The following PLEKHG1 variants were observed in gnomAD, a reference collection of about 807,000 sequenced individuals.
PLEKHG1 encodes pleckstrin homology and RhoGEF domain containing G1, also known as pleckstrin homology domain-containing family G member 1.
A neutral mutation model predicts 100.8 loss-of-function variants in PLEKHG1; 44 were observed. That is an observed-to-expected ratio of 0.44 (90% CI 0.34 to 0.56). PLEKHG1 has a LOEUF of 0.56. Among genes scored for constraint, PLEKHG1 ranks in the 20% least tolerant of loss-of-function variants. The pLI is 0.01. For synonymous variants in PLEKHG1, 640 were observed against 662.5 expected, an observed-to-expected ratio of 0.97 and a Z score of 0.52; for missense variants, 1,545 against 1,720.9, an observed-to-expected ratio of 0.90 and a Z score of 1.81.
chr6:150,733,800 T>C, exon 2 of PLEKHG1: 1 of 1,614,196 alleles, frequency 6.2e-7, no homozygotes. Flanking sequence ...AATAGCCACA[T>C]GGGCTTGTTT....
intron 15 of PLEKHG1, among the ~76,000 whole-genome samples, chr6:150,838,012 TA>T (rs1562569783): frequency 6.6e-6 from 1 of 152,180 alleles, no homozygotes; most frequent in Non-Finnish European, 1.5e-5. Flanking sequence ...TCACAGGGAA[TA>T]GGGGGTGAGG....
chr6:150,693,796 G>A (rs571095854), intron 3 of PLEKHG1, among the ~76,000 whole-genome samples: 1 of 152,260 alleles, frequency 6.6e-6, no homozygotes, highest in African/African-American at 2.4e-5. Context: ...ATAAATCTTT[G>A]CACAAGGCTA....
chr6:150,828,341 G>A (rs904890103), intron 14 of PLEKHG1: 5 of 1,610,546 alleles, frequency 3.1e-6, no homozygotes, highest in East Asian at 2.3e-5. Context: ...TCAGTGCGGC[G>A]CTCTGTCCTC....
intron 1 of PLEKHG1, among the ~76,000 whole-genome samples, chr6:150,634,227 A>G (rs2128563367): frequency 6.6e-6 from 1 of 150,452 alleles, no homozygotes; most frequent in East Asian, 1.9e-4. Flanking sequence ...CTGGCCAACA[A>G]GAGCAAAACT....
chr6:150,607,170 G>T (rs1160574623), intron 1 of PLEKHG1, among the ~76,000 whole-genome samples: 1 of 152,114 alleles, frequency 6.6e-6, no homozygotes, highest in African/African-American at 2.4e-5. Context: ...GCATTCCAGG[G>T]ATGCTGGACC....
At chr6:150,807,682 A>T (rs1188491085) in intron 7 of PLEKHG1, among the ~76,000 whole-genome samples, 1 of 152,180 alleles carries the variant, frequency 6.6e-6, no homozygotes, top group Non-Finnish European at 1.5e-5. Context: ...GAGAGAATGA[A>T]TAAGATCTAG....
chr6:150,734,980 A>ATTTTT (rs397888221), intron 2 of PLEKHG1, among the ~76,000 whole-genome samples: 1 of 102,888 alleles, frequency 9.7e-6, no homozygotes, highest in African/African-American at 3.7e-5. Context: ...TCAAGGGCAG[A>ATTTTT]TTTTTTTTTT....
intron 15 of PLEKHG1, among the ~76,000 whole-genome samples, 167 bp from the exon 17 acceptor site, chr6:150,839,666 G>A (rs1299941724): frequency 3.3e-5 from 5 of 152,178 alleles, no homozygotes; most frequent in Admixed American, 2.6e-4. Flanking sequence ...GGATTTGTGT[G>A]TGTGTGTTGC....
At chr6:150,829,900 G>A (rs1406173135) in intron 14 of PLEKHG1, among the ~76,000 whole-genome samples, 3 of 152,116 alleles carry the variant, frequency 2.0e-5, no homozygotes, top group African/African-American at 7.2e-5. Context: ...CAGAAACCAC[G>A]ATAAAACTGC....
intron 2 of PLEKHG1, among the ~76,000 whole-genome samples, chr6:150,646,162 C>T (rs1778489810): frequency 6.6e-6 from 1 of 152,066 alleles, no homozygotes; most frequent in Non-Finnish European, 1.5e-5. Context: ...TTCAAAAGCA[C>T]ACAAAATTTG....
At chr6:150,754,159 T>C (rs1783687230) in intron 2 of PLEKHG1, among the ~76,000 whole-genome samples, 1 of 152,060 alleles carries the variant, frequency 6.6e-6, no homozygotes, top group Admixed American at 6.5e-5. Context: ...GGAAGAATCT[T>C]GAAGGATGAA....
intron 7 of PLEKHG1, among the ~76,000 whole-genome samples, chr6:150,805,601 C>T (rs1583166103): frequency 6.6e-6 from 1 of 152,138 alleles, no homozygotes; most frequent in East Asian, 1.9e-4. Context: ...AGTCTCAGCT[C>T]ACGGCAACCT....
intron 2 of PLEKHG1, among the ~76,000 whole-genome samples, chr6:150,650,349 A>ATTC (rs1778678861): frequency 6.6e-6 from 1 of 152,078 alleles, no homozygotes. Flanking sequence ...GTTGGGGGAA[A>ATTC]TTCTTCCTGG....
At chr6:150,767,690 C>T (rs1416307099) in intron 2 of PLEKHG1, among the ~76,000 whole-genome samples, 4 of 152,176 alleles carry the variant, frequency 2.6e-5, no homozygotes, top group Admixed American at 6.5e-5. Flanking sequence ...CATTGGAATG[C>T]GGCTGCGGTG....
chr6:150,638,088 A>G (rs1185206939), exon 2 of PLEKHG1: 1 of 152,142 alleles, frequency 6.6e-6, no homozygotes, highest in Non-Finnish European at 1.5e-5. Flanking sequence ...AGGAAAGGAG[A>G]GTGAATATCT....
chr6:150,705,708 C>T (rs530791005), intron 3 of PLEKHG1, among the ~76,000 whole-genome samples: 6 of 152,308 alleles, frequency 3.9e-5, no homozygotes, highest in East Asian at 1.9e-4. Context: ...TTTTCTATCC[C>T]GCTCACCCAC....
chr6:150,840,814 G>A, exon 16 of PLEKHG1: 1 of 1,614,100 alleles, frequency 6.2e-7, no homozygotes, highest in East Asian at 2.2e-5. Context: ...TATCTTTGGA[G>A]GGGGCCATCT....
At chr6:150,830,488 G>T (rs998429911) in intron 14 of PLEKHG1, 94 bp from the exon 16 acceptor site, 5 of 850,330 alleles carry the variant, frequency 5.9e-6, no homozygotes, top group South Asian at 3.5e-5. Context: ...AAAGCCTAGT[G>T]GGGGAGGCAG....
chr6:150,753,238 C>T (rs1171182764), intron 2 of PLEKHG1, among the ~76,000 whole-genome samples: 3 of 152,188 alleles, frequency 2.0e-5, no homozygotes, highest in Non-Finnish European at 1.5e-5. Context: ...AGAGAGTCTG[C>T]TGTTTCAAAT....
Sources: gnomAD v4.1 joint callset for allele counts (sites outside exome capture counted in the v4.1 genomes callset) on GRCh38, gnomAD v4.1.1 for gene constraint, MANE v1.5 for transcripts, NCBI Gene and HGNC (gene_info 2026-07-23, HGNC 2026-07-21) for gene names.